The following IL1RAPL2 variants were observed in gnomAD, a reference collection of about 807,000 sequenced individuals.
The protein encoded by IL1RAPL2 is X-linked interleukin-1 receptor accessory protein-like 2.
A neutral mutation model predicts 44.1 loss-of-function variants in IL1RAPL2; 3 were observed. The ratio of observed to expected loss-of-function variants is 0.07; its 90% CI spans 0.03 to 0.18. The LOEUF (loss-of-function observed/expected upper bound fraction) is 0.18. Ranked by LOEUF, IL1RAPL2 falls within the 10% of genes least tolerant of loss-of-function variation. The pLI is 1.00. For missense variants in IL1RAPL2, 391 were observed against 496.4 expected (o/e 0.79, Z 2.02); for synonymous variants, 181 against 178.8 (o/e 1.01, Z -0.10).
intron 2 of IL1RAPL2, among the ~76,000 whole-genome samples, chrX:104,691,127 G>T (rs1468519401): frequency 8.9e-6 from 1 of 112,214 alleles, no homozygotes; most frequent in African/African-American, 3.2e-5. Flanking sequence ...CCAGATATTT[G>T]CAGGCTTTTA....
intron 5 of IL1RAPL2, among the ~76,000 whole-genome samples, chrX:105,331,283 C>A (rs2034984272): frequency 9.0e-6 from 1 of 111,257 alleles, no homozygotes; most frequent in African/African-American, 3.3e-5. Context: ...TCACATTTTT[C>A]CCCAAGTTGG....
At chrX:105,546,539 C>CT (rs769750388) in intron 6 of IL1RAPL2, among the ~76,000 whole-genome samples, 3 of 110,337 alleles carry the variant, frequency 2.7e-5, no homozygotes, top group African/African-American at 9.9e-5. Context: ...TAATAATCAC[C>CT]ACCTATTAAT....
intron 3 of IL1RAPL2, among the ~76,000 whole-genome samples, chrX:105,214,423 T>G (rs1266449582): frequency 9.3e-6 from 1 of 107,969 alleles, no homozygotes; most frequent in Non-Finnish European, 1.9e-5. Flanking sequence ...CAAGAAGAGC[T>G]AACTATCCTA....
chrX:105,006,610 A>T (rs1428605512), intron 2 of IL1RAPL2, among the ~76,000 whole-genome samples: 2 of 110,481 alleles, frequency 1.8e-5, no homozygotes, highest in African/African-American at 6.7e-5. Context: ...GAAGAAATCA[A>T]ATGGTAAGTC....
At chrX:105,081,644 T>C (rs7877705) in intron 2 of IL1RAPL2, among the ~76,000 whole-genome samples, 2,198 of 111,881 alleles carry the variant, frequency 0.02, 54 homozygotes, top group African/African-American at 0.067. Context: ...TTGAGATACA[T>C]TCCATCAATA....
intron 2 of IL1RAPL2, among the ~76,000 whole-genome samples, chrX:105,094,637 C>A (rs931965971): frequency 9.0e-6 from 1 of 110,674 alleles, no homozygotes; most frequent in African/African-American, 3.3e-5. Context: ...AAATTTTGTT[C>A]TTTTTTTCAG....
intron 6 of IL1RAPL2, among the ~76,000 whole-genome samples, chrX:105,592,004 G>A (rs2147818834): frequency 9.0e-6 from 1 of 111,173 alleles, no homozygotes; most frequent in African/African-American, 3.3e-5. Context: ...ATATAATACT[G>A]TCAGTGGGGT....
intron 5 of IL1RAPL2, among the ~76,000 whole-genome samples, chrX:105,400,345 A>C (rs1410658329): frequency 9.0e-6 from 1 of 111,529 alleles, no homozygotes; most frequent in Non-Finnish European, 1.9e-5. Flanking sequence ...CAGTCTAGAC[A>C]GAATAACCTT....
At chrX:105,075,158 G>A (rs1602937611) in intron 2 of IL1RAPL2, among the ~76,000 whole-genome samples, 1 of 111,350 alleles carries the variant, frequency 9.0e-6, no homozygotes, top group East Asian at 2.8e-4. Flanking sequence ...TGCCCATTCA[G>A]TATGATATTG....
At chrX:105,746,160 C>A (rs2038540117) in intron 8 of IL1RAPL2, among the ~76,000 whole-genome samples, 1 of 112,131 alleles carries the variant, frequency 8.9e-6, no homozygotes, top group South Asian at 3.7e-4. Context: ...CCCTTGGCTT[C>A]AGTTGCTATT....
chrX:105,038,786 T>A (rs920122509), intron 2 of IL1RAPL2, among the ~76,000 whole-genome samples: 1 of 110,972 alleles, frequency 9.0e-6, no homozygotes, highest in African/African-American at 3.3e-5. Context: ...GTGCCCTGTC[T>A]CCTGGTGCTA....
At chrX:105,012,873 T>C (rs772789042) in intron 2 of IL1RAPL2, among the ~76,000 whole-genome samples, 1 of 110,440 alleles carries the variant, frequency 9.1e-6, no homozygotes, top group East Asian at 2.9e-4. Flanking sequence ...AAAAAGGAAA[T>C]GAGGTATTCT....
At position 104,675,464 on chromosome X, in the gene IL1RAPL2, T is replaced by C. The variant is rs1057221427; in HGVS notation, c.82+16469T>C. 4.7e-3 allele frequency among the ~76,000 whole-genome samples: 524 copies of C among 111,520 alleles called. 2 individuals carry two copies. The highest frequency in any genetic ancestry group is 0.014 in the African/African-American group (437 of 30,678). On this transcript the variant is annotated intron_variant, in intron 2 of 10. Transcript: ENST00000372582. ...TTTGATTGCACTGTGGTCTGAGAGA[T>C]AGTTTGTTATAATTTCTGTTCTTTT...
At chrX:105,600,260 G>T (rs768073486) in intron 6 of IL1RAPL2, among the ~76,000 whole-genome samples, 1 of 110,403 alleles carries the variant, frequency 9.1e-6, no homozygotes, top group East Asian at 2.8e-4. Context: ...TATACACAGT[G>T]CTTCAGTGAA....
intron 5 of IL1RAPL2, among the ~76,000 whole-genome samples, chrX:105,392,798 A>G (rs1209914753): frequency 8.9e-6 from 1 of 112,311 alleles, no homozygotes; most frequent in African/African-American, 3.2e-5. Context: ...TGAATGTGTG[A>G]GTGTGTATGT....
Position 104,991,797 on chromosome X carries a change from CA to C in IL1RAPL2, c.83-203676del, listed in dbSNP as rs1239294686. Among the ~76,000 whole-genome samples the C allele has an allele frequency of 9.9e-5, 11 of 111,499 alleles. No individual in the cohort carries two copies. In the Admixed American group the frequency reaches 1.1e-3, roughly 11 times the overall value. On this transcript the variant is annotated intron_variant, in intron 2 of 10. Transcript: ENST00000372582. ...TGGGGAAGACAACTAAGAAAATCTA[CA>C]ATTATAAAAGCATGCTGTGATAAAA...
chrX:104,690,150 T>C (rs1931066780), intron 2 of IL1RAPL2, among the ~76,000 whole-genome samples: 2 of 112,616 alleles, frequency 1.8e-5, no homozygotes, highest in Non-Finnish European at 3.7e-5. Context: ...TGACTTATAA[T>C]AAGGGCTTTG....
chrX:104,835,843 G>A (rs1921728737), intron 2 of IL1RAPL2, among the ~76,000 whole-genome samples: 2 of 112,008 alleles, frequency 1.8e-5, no homozygotes, highest in Admixed American at 1.9e-4. Context: ...ACTTTCTTAA[G>A]TTCCACTGAC....
chrX:105,556,613 G>C (rs192367479), intron 6 of IL1RAPL2, among the ~76,000 whole-genome samples: 19 of 111,588 alleles, frequency 1.7e-4, no homozygotes, highest in Admixed American at 1.6e-3. Context: ...TGGTTAAATA[G>C]TAGTCTCTAT....
Sources: gnomAD v4.1 joint callset for allele counts (sites outside exome capture counted in the v4.1 genomes callset) on GRCh38, gnomAD v4.1.1 for gene constraint, MANE v1.5 for transcripts, NCBI Gene and HGNC (gene_info 2026-07-23, HGNC 2026-07-21) for gene names.